The following LARP1 variants were observed in gnomAD, a reference collection of about 807,000 sequenced individuals.
LARP1 encodes the protein La ribonucleoprotein 1, translational regulator, also known as la-related protein 1.
In LARP1, 36 loss-of-function variants were observed where a neutral mutation model predicts 122.7. The ratio of observed to expected loss-of-function variants is 0.29; its 90% CI spans 0.22 to 0.39. The LOEUF (loss-of-function observed/expected upper bound fraction) is 0.39, where lower values mean the gene tolerates loss of function less well. Ranked by LOEUF, LARP1 falls within the 10% of genes least tolerant of loss-of-function variation. The pLI, the probability that LARP1 is intolerant of heterozygous loss-of-function variation, is 1.00. For missense variants in LARP1, 1,040 were observed against 1,403.6 expected (o/e 0.74, Z 4.14); for synonymous variants, 539 against 528.7 (o/e 1.02, Z -0.27).
rs1207957152 is a variant in LARP1 at position 154,804,186 on chromosome 5, G to A, written c.2440-15G>A. The A allele has an allele frequency of 6.2e-7, 1 of 1,605,480 alleles. No homozygotes were observed. The highest frequency in any genetic ancestry group is 8.5e-7 in the Non-Finnish European group (1 of 1,172,378). Reference sequence around the variant, plus strand: ...GGAGTACAAACAGTAACAAACCCTGGGCTAACCTTTGCAGATGCCTCGAAA... The same window carrying A: ...GGAGTACAAACAGTAACAAACCCTGAGCTAACCTTTGCAGATGCCTCGAAA... On this transcript the variant is annotated splice_polypyrimidine_tract_variant and intron_variant, in intron 13 of 18. Coordinates refer to ENST00000518297, the MANE Select transcript of LARP1 (RefSeq NM_033551.3).
chr5:154,782,238 A>G (rs1461109340), intron 1 of LARP1, among the ~76,000 whole-genome samples: 1 of 152,226 alleles, frequency 6.6e-6, no homozygotes, highest in Non-Finnish European at 1.5e-5. Context: ...TTATGCAGTA[A>G]AAGGTGATTA....
chr5:154,792,746 A>T lies in LARP1; in HGVS notation c.689A>T (p.Glu230Val). Reference protein sequence around the residue: ...SPKTKSDESGEEKNGDEDCQR... With the variant: ...SPKTKSDESGVEKNGDEDCQR... ...AAAACCAAATCAGATGAATCAGGGG[A>T]GGAAAAGAATGGAGATGAGGATTGC... The change falls in exon 4 of 19, where the codon GAG becomes GTG. Residue 230 changes from glutamate to valine, a missense_variant. Around this residue, in one of 8 missense-constraint regions of LARP1, gnomAD observed 257 missense variants for 273.3 expected, o/e 0.94. Transcript: ENST00000518297. 3 of 1,614,164 alleles carry T rather than the reference A, an allele frequency of 1.9e-6. No individual in the cohort carries two copies. Among genetic ancestry groups the T allele is most frequent in the Non-Finnish European group, 2.5e-6 (3 of 1,180,010 alleles).
At chr5:154,773,447 T>A (rs1421249124) in intron 1 of LARP1, among the ~76,000 whole-genome samples, 1 of 152,188 alleles carries the variant, frequency 6.6e-6, no homozygotes, top group Non-Finnish European at 1.5e-5. Context: ...CCCTCCACTC[T>A]TTCCCTGCCC....
intron 1 of LARP1, among the ~76,000 whole-genome samples, chr5:154,759,713 C>T (rs962517341): frequency 2.0e-5 from 3 of 152,086 alleles, no homozygotes; most frequent in African/African-American, 7.2e-5. Context: ...GATTTTTTGA[C>T]TTTATGTTGT....
chr5:154,718,128 C>T (rs1172854337), intron 1 of LARP1, among the ~76,000 whole-genome samples: 1 of 151,956 alleles, frequency 6.6e-6, no homozygotes, highest in African/African-American at 2.4e-5. Flanking sequence ...CACTTTGTTG[C>T]CCAGCCTGGT....
chr5:154,788,964 C>T (rs1393978990), intron 1 of LARP1, among the ~76,000 whole-genome samples: 1 of 152,098 alleles, frequency 6.6e-6, no homozygotes, highest in Non-Finnish European at 1.5e-5. Flanking sequence ...GTAATCCCAG[C>T]ACTTTGGGAG....
intron 1 of LARP1, among the ~76,000 whole-genome samples, chr5:154,730,292 G>A (rs1756476734): frequency 6.8e-6 from 1 of 147,126 alleles, no homozygotes; most frequent in Admixed American, 6.8e-5. Context: ...GGGTTCAAAC[G>A]ATTCTCCCAC....
intron 1 of LARP1, among the ~76,000 whole-genome samples, chr5:154,726,936 G>T (rs537514728): frequency 6.6e-6 from 1 of 152,162 alleles, no homozygotes; most frequent in Non-Finnish European, 1.5e-5. Context: ...TCGTTATCAC[G>T]AGAACAGCAT....
intron 1 of LARP1, chr5:154,685,988 A>G (rs990464378): frequency 6.4e-6 from 3 of 466,246 alleles, no homozygotes; most frequent in African/African-American, 6.2e-5. Context: ...TCTTAACCCC[A>G]TAAAACTCAT....
rs1311185368 is a variant in LARP1, at chr5:154,803,797, T to C, written c.2439+52T>C. The stretch of plus-strand genomic sequence containing the variant: ...GAGTCTTGGGTCTACTTCATTGCAT[T>C]CCAGTGCTTTGCTTCTCTCCCTTGC... On this transcript the variant is annotated intron_variant, in intron 13 of 18. Transcript: ENST00000518297. The surrounding 1 kb of genome is among the most constrained non-coding windows in gnomAD (Gnocchi z 4.4). 1.3e-6 allele frequency: 2 copies of C among 1,535,312 alleles called. No individual in the cohort carries two copies. The highest frequency in any genetic ancestry group is 1.8e-6 in the Non-Finnish European group (2 of 1,110,404).
chr5:154,752,871 G>A (rs951845783), upstream of LARP1, among the ~76,000 whole-genome samples: 6 of 152,072 alleles, frequency 3.9e-5, no homozygotes, highest in South Asian at 6.2e-4. Context: ...CCCGGGAGGC[G>A]GAGGTTGCAG....
intron 7 of LARP1, among the ~76,000 whole-genome samples, chr5:154,794,602 T>G (rs1046616548): frequency 5.9e-5 from 9 of 152,224 alleles, no homozygotes; most frequent in African/African-American, 2.2e-4. Flanking sequence ...GGCTCAGTGT[T>G]TATTGTTGTA....
Position 154,790,853 on chromosome 5 carries a change from T to C in LARP1, c.564+143T>C, listed in dbSNP as rs1757284352. On this transcript the variant is annotated intron_variant, in intron 3 of 18. Transcript: ENST00000518297. ...TTTCCCCCCAACAGAGTTTCACTCT[T>C]TTTGCCCAGGTTGGAGTGCCATGGT... is the stretch of plus-strand genomic sequence containing the variant. The C allele has an allele frequency of 5.1e-6, 4 of 785,544 alleles. 1 individual carries two copies. In the South Asian group the frequency reaches 7.0e-5, roughly 14 times the overall value. 48.7% of individuals were successfully genotyped at this position (785,544 alleles called of 1,614,324 possible).
At chr5:154,811,693 A>G (rs2113034425) in intron 18 of LARP1, 53 bp downstream of exon 18, 3 of 1,607,716 alleles carry the variant, frequency 1.9e-6, no homozygotes, top group Admixed American at 1.7e-5. Flanking sequence ...AAACTGGACC[A>G]GGAATCAGGA....
intron 1 of LARP1, among the ~76,000 whole-genome samples, chr5:154,721,959 G>C (rs1342503438): frequency 6.6e-6 from 1 of 152,130 alleles, no homozygotes; most frequent in Non-Finnish European, 1.5e-5. Context: ...TGAACGTCCA[G>C]TCACTCAGTC....
chr5:154,795,935 TTATA>T (rs1176369041), intron 8 of LARP1, among the ~76,000 whole-genome samples: 3 of 120,076 alleles, frequency 2.5e-5, no homozygotes, highest in Admixed American at 1.2e-4. Context: ...TATTTATATA[TTATA>T]TATTTATATA....
chr5:154,752,605 T>C (rs944288520), upstream of LARP1, among the ~76,000 whole-genome samples: 46 of 152,224 alleles, frequency 3.0e-4, no homozygotes, highest in Non-Finnish European at 2.1e-4. Context: ...TGAGTAATCA[T>C]TATGATTCCT....
At chr5:154,753,624 C>T (rs1753623739), upstream of LARP1, among the ~76,000 whole-genome samples, 3 of 152,326 alleles carry the variant, frequency 2.0e-5, no homozygotes, top group South Asian at 6.2e-4. Flanking sequence ...CTAACATTGT[C>T]TCACTTGACC....
At chr5:154,809,361 A>G (rs1053734067) in intron 16 of LARP1, among the ~76,000 whole-genome samples, 1 of 137,984 alleles carries the variant, frequency 7.2e-6, no homozygotes, top group South Asian at 2.3e-4. Context: ...CCCCTCCCCA[A>G]TTTTCAATGT....
Sources: gnomAD v4.1 joint callset for allele counts (sites outside exome capture counted in the v4.1 genomes callset) on GRCh38, gnomAD v4.1.1 for gene constraint, gnomAD v4.1.1 regional missense constraint, Gnocchi (gnomAD v3.1) non-coding constraint, MANE v1.5 for transcripts, NCBI Gene and HGNC (gene_info 2026-07-23, HGNC 2026-07-21) for gene names.